Variants in TMPRSS4 observed in about 807,000 individuals in gnomAD.
TMPRSS4 encodes transmembrane serine protease 4.
Under a neutral mutation model 56.4 loss-of-function variants are expected in TMPRSS4, and 45 were observed. That is an observed-to-expected ratio of 0.80 (90% CI 0.63 to 1.02). The LOEUF is 1.02. Ranked by LOEUF, TMPRSS4 falls within the 50% of genes least tolerant of loss-of-function variation. The pLI, the probability that TMPRSS4 is intolerant of heterozygous loss-of-function variation, is 0.00. For missense variants in TMPRSS4, 546 were observed against 556.7 expected (o/e 0.98, Z 0.19); for synonymous variants, 205 against 211.0 (o/e 0.97, Z 0.25).
At chr11:118,124,412 A>C (rs1947852929), downstream of TMPRSS4, among the ~76,000 whole-genome samples, 1 of 152,022 alleles carries the variant, frequency 6.6e-6, no homozygotes, top group African/African-American at 2.4e-5. Flanking sequence ...ACAAAACAAA[A>C]CAAACAAACA....
chr11:118,117,790 G>C (rs1947640234), intron 12 of TMPRSS4, 112 bp from the exon 13 acceptor site: 6 of 1,603,260 alleles, frequency 3.7e-6, no homozygotes, highest in Non-Finnish European at 5.1e-6. Flanking sequence ...CCTCTGCAGG[G>C]TAGGGAGAGA....
intron 3 of TMPRSS4, among the ~76,000 whole-genome samples, chr11:118,099,553 G>GGA (rs1946628699): frequency 6.6e-6 from 1 of 152,108 alleles, no homozygotes; most frequent in Non-Finnish European, 1.5e-5. Context: ...AAGTGAAAGG[G>GGA]GAGATGAACT....
intron 2 of TMPRSS4, among the ~76,000 whole-genome samples, chr11:118,096,051 T>C (rs1158895946): frequency 6.6e-6 from 1 of 152,210 alleles, no homozygotes; most frequent in Non-Finnish European, 1.5e-5. Flanking sequence ...CACTCACTCT[T>C]GGAGAAAACA....
chr11:118,097,295 G>A (rs1041271494), intron 2 of TMPRSS4, among the ~76,000 whole-genome samples: 2 of 152,094 alleles, frequency 1.3e-5, no homozygotes, highest in Non-Finnish European at 2.9e-5. Context: ...TTTGTTAGAG[G>A]TGATGCGTGC....
chr11:118,101,403 T>C (rs1946719629), intron 3 of TMPRSS4, among the ~76,000 whole-genome samples: 1 of 152,068 alleles, frequency 6.6e-6, no homozygotes, highest in Non-Finnish European at 1.5e-5. Flanking sequence ...AGAATTCAGT[T>C]AGGAAGGAGG....
intron 1 of TMPRSS4, among the ~76,000 whole-genome samples, chr11:118,090,763 A>G (rs1316084364): frequency 6.6e-6 from 1 of 151,564 alleles, no homozygotes; most frequent in Non-Finnish European, 1.5e-5. Context: ...GGGCGACAGA[A>G]TGAGACTCTG....
intron 1 of TMPRSS4, among the ~76,000 whole-genome samples, chr11:118,080,214 CG>C (rs1225447775): frequency 3.3e-5 from 5 of 152,098 alleles, no homozygotes; most frequent in African/African-American, 1.2e-4. Flanking sequence ...CTAGGGAAGT[CG>C]GGAAATTGTC....
At chr11:118,109,063 G>A (rs1947145110) in intron 7 of TMPRSS4, among the ~76,000 whole-genome samples, 167 bp downstream of exon 7, 1 of 152,186 alleles carries the variant, frequency 6.6e-6, no homozygotes, top group East Asian at 1.9e-4. Flanking sequence ...GGTGGCCTTG[G>A]GCAGGTCACA....
At chr11:118,090,863 T>C (rs1479871190) in intron 1 of TMPRSS4, among the ~76,000 whole-genome samples, 3 of 151,750 alleles carry the variant, frequency 2.0e-5, no homozygotes, top group Non-Finnish European at 4.4e-5. Flanking sequence ...TAGCCACTGT[T>C]CAGTTCAGTG....
chr11:118,087,725 C>A (rs907083803), intron 1 of TMPRSS4: 1 of 152,168 alleles, frequency 6.6e-6, no homozygotes, highest in Non-Finnish European at 1.5e-5. Context: ...TGTCTGTTTG[C>A]TTTTTGGAGC....
intron 3 of TMPRSS4, among the ~76,000 whole-genome samples, chr11:118,102,227 A>G (rs1447598225): frequency 6.6e-6 from 1 of 152,084 alleles, no homozygotes; most frequent in Non-Finnish European, 1.5e-5. Context: ...CTTACCATTT[A>G]ACAGTTCTTT....
At chr11:118,088,657 G>A (rs2276435) in intron 1 of TMPRSS4, among the ~76,000 whole-genome samples, 52,412 of 152,134 alleles carry the variant, frequency 0.34, 9,684 homozygotes, top group South Asian at 0.53. Flanking sequence ...CAACAGAGAA[G>A]ACAGGCCTGG....
intron 11 of TMPRSS4, among the ~76,000 whole-genome samples, chr11:118,116,587 G>A (rs1414523576): frequency 7.3e-6 from 1 of 136,470 alleles, no homozygotes; most frequent in African/African-American, 3.0e-5. Context: ...GCTTTCTGAG[G>A]GCAGGGATCT....
chr11:118,079,700 G>T (rs567332760), intron 1 of TMPRSS4, among the ~76,000 whole-genome samples: 1 of 151,908 alleles, frequency 6.6e-6, no homozygotes, highest in East Asian at 1.9e-4. Flanking sequence ...CCTGTTTTCC[G>T]TGCCAGCCTG....
intron 3 of TMPRSS4, among the ~76,000 whole-genome samples, chr11:118,099,881 C>G (rs1191208932): frequency 6.6e-6 from 1 of 152,162 alleles, no homozygotes; most frequent in Non-Finnish European, 1.5e-5. Context: ...GAGCAGGCCT[C>G]TCTGCCTCAG....
chr11:118,090,349 A>G (rs1301573821), intron 1 of TMPRSS4, among the ~76,000 whole-genome samples: 2 of 152,214 alleles, frequency 1.3e-5, no homozygotes, highest in Non-Finnish European at 2.9e-5. Flanking sequence ...GGGATATCAC[A>G]GTTAACAAGA....
intron 3 of TMPRSS4, among the ~76,000 whole-genome samples, chr11:118,101,302 C>T (rs939326079): frequency 6.6e-6 from 1 of 152,180 alleles, no homozygotes; most frequent in Admixed American, 6.5e-5. Context: ...GACACGGTGA[C>T]AAGCAGGGAC....
intron 3 of TMPRSS4, 181 bp from the exon 4 acceptor site, chr11:118,102,920 C>T: frequency 1.4e-6 from 1 of 735,696 alleles, no homozygotes; most frequent in South Asian, 1.8e-5. Context: ...ACTATCTCCA[C>T]TTTACAGACA....
At chr11:118,102,839 C>G in intron 3 of TMPRSS4, 1 of 459,010 alleles carries the variant, frequency 2.2e-6, no homozygotes. Context: ...GAGGCAGTTA[C>G]CAGCCTGTTT....
Sources: gnomAD v4.1 joint callset for allele counts (sites outside exome capture counted in the v4.1 genomes callset) on GRCh38, gnomAD v4.1.1 for gene constraint, MANE v1.5 for transcripts, NCBI Gene and HGNC (gene_info 2026-07-23, HGNC 2026-07-21) for gene names.